TPRG1: variants seen among roughly 807,000 people sequenced by gnomAD.
The protein encoded by TPRG1 is tumor protein p63-regulated gene 1 protein.
TPRG1 carries 29 observed loss-of-function variants against 29.3 expected under a neutral mutation model. The observed-to-expected ratio is 0.99, with a 90% CI of 0.74 to 1.35. The LOEUF is 1.35. Ranked by LOEUF, TPRG1 falls within the 40% of genes most tolerant of loss-of-function variation. TPRG1 has a pLI of 0.00. For synonymous variants in TPRG1, 130 were observed against 116.8 expected, an observed-to-expected ratio of 1.11 and a Z score of -0.73; for missense variants, 327 against 335.0, an observed-to-expected ratio of 0.98 and a Z score of 0.19.
intron 3 of TPRG1, among the ~76,000 whole-genome samples, chr3:189,010,000 G>A (rs1712510393): frequency 6.6e-6 from 1 of 152,066 alleles, no homozygotes; most frequent in Non-Finnish European, 1.5e-5. Flanking sequence ...ATGTGTTCAT[G>A]TGTTCTCATC....
chr3:189,239,108 T>C (rs1192318676), intron 4 of TPRG1, among the ~76,000 whole-genome samples, 199 bp downstream of exon 4: 1 of 152,148 alleles, frequency 6.6e-6, no homozygotes, highest in Admixed American at 6.5e-5. Flanking sequence ...AATATATTAG[T>C]TCGTTTTCAC....
chr3:189,293,470 C>G (rs768782969), intron 4 of TPRG1, among the ~76,000 whole-genome samples: 1 of 152,022 alleles, frequency 6.6e-6, no homozygotes, highest in Non-Finnish European at 1.5e-5. Context: ...AAAGGTGTGG[C>G]GGGAAAGGGA....
At chr3:189,078,168 G>C (rs1278983508) in intron 4 of TPRG1, among the ~76,000 whole-genome samples, 1 of 61,838 alleles carries the variant, frequency 1.6e-5, no homozygotes, top group African/African-American at 6.8e-5. Context: ...ATGAAGTTTT[G>C]TTCTTGTCAT....
chr3:189,319,161 C>T (rs974610894), intron 5 of TPRG1, among the ~76,000 whole-genome samples: 20 of 152,168 alleles, frequency 1.3e-4, no homozygotes, highest in African/African-American at 4.3e-4. Flanking sequence ...CATGTTTAGG[C>T]TATTAACTTC....
intron 4 of TPRG1, among the ~76,000 whole-genome samples, chr3:189,068,973 A>G (rs1335364732): frequency 6.6e-6 from 1 of 152,230 alleles, no homozygotes; most frequent in African/African-American, 2.4e-5. Flanking sequence ...TCATGAAGGT[A>G]GAGAGTAGAA....
chr3:189,152,916 A>C (rs1417548269), intron 5 of TPRG1, among the ~76,000 whole-genome samples: 1 of 152,174 alleles, frequency 6.6e-6, no homozygotes, highest in Non-Finnish European at 1.5e-5. Flanking sequence ...ATTATTAAAA[A>C]GTAGGATTGC....
upstream of TPRG1, among the ~76,000 whole-genome samples, chr3:189,171,681 T>G (rs1560510956): frequency 1.3e-5 from 2 of 152,186 alleles, no homozygotes; most frequent in African/African-American, 4.8e-5. Flanking sequence ...GATAGGAGTG[T>G]AGGCCTCAGG....
In TPRG1 at chr3:189,320,760, A is replaced by C. The variant is rs199980873; in HGVS notation, c.768A>C (p.Ser256=). The C allele has an allele frequency of 1.9e-6, 3 of 1,610,362 alleles. No homozygotes were observed. The highest frequency in any genetic ancestry group is 2.5e-6 in the Non-Finnish European group (3 of 1,178,338). ...ILIETYTGLM[S]FIGNRNKLGY... ...TTGAGACCTACACAGGGCTGATGTC[A>C]TTCATTGGAAACCGCAACAAACTTG... Residue 256 remains serine (S), a synonymous_variant, in exon 6 of 6, where the codon TCA becomes TCC. Transcript: ENST00000345063.
At chr3:189,003,906 G>C (rs1712155496) in intron 2 of TPRG1, among the ~76,000 whole-genome samples, 1 of 151,986 alleles carries the variant, frequency 6.6e-6, no homozygotes, top group Non-Finnish European at 1.5e-5. Context: ...CCTTCTCTTG[G>C]GGGTAGTGGG....
intron 1 of TPRG1, among the ~76,000 whole-genome samples, chr3:189,101,136 TG>T (rs1719149069): frequency 6.6e-6 from 1 of 152,158 alleles, no homozygotes; most frequent in South Asian, 2.1e-4. Context: ...CTTTCCCTCC[TG>T]TGTCCTCCCC....
At chr3:189,178,679 C>T (rs1729817419) in intron 1 of TPRG1, among the ~76,000 whole-genome samples, 1 of 152,190 alleles carries the variant, frequency 6.6e-6, no homozygotes, top group Admixed American at 6.5e-5. Flanking sequence ...CAGAATCAGA[C>T]AGCAAATTAA....
intron 1 of TPRG1, among the ~76,000 whole-genome samples, chr3:189,100,628 G>C (rs576152933): frequency 3.3e-5 from 5 of 152,300 alleles, no homozygotes; most frequent in Admixed American, 1.3e-4. Flanking sequence ...ACCCTGAAAA[G>C]TAGCTAGTAG....
At chr3:189,282,831 AG>A (rs757874743) in intron 4 of TPRG1, among the ~76,000 whole-genome samples, 1 of 152,170 alleles carries the variant, frequency 6.6e-6, no homozygotes, top group African/African-American at 2.4e-5. Context: ...AGGATGTGGA[AG>A]GGGGGATGGG....
At chr3:189,009,033 C>T (rs147987374) in intron 3 of TPRG1, among the ~76,000 whole-genome samples, 1 of 152,152 alleles carries the variant, frequency 6.6e-6, no homozygotes, top group Non-Finnish European at 1.5e-5. Flanking sequence ...TTGCTATTTG[C>T]CTTTGTGCTG....
chr3:189,081,347 G>A (rs561457286), intron 4 of TPRG1, among the ~76,000 whole-genome samples: 8 of 152,236 alleles, frequency 5.3e-5, no homozygotes, highest in African/African-American at 1.9e-4. Flanking sequence ...GGAGAAAGAG[G>A]CACAAGTGAA....
chr3:189,100,586 T>C (rs1186312022), intron 1 of TPRG1, among the ~76,000 whole-genome samples: 2 of 152,236 alleles, frequency 1.3e-5, no homozygotes, highest in African/African-American at 4.8e-5. Context: ...GTATTACTTT[T>C]GCAAATAGTA....
intron 4 of TPRG1, among the ~76,000 whole-genome samples, chr3:189,094,695 A>G (rs1278268517): frequency 6.6e-6 from 1 of 152,196 alleles, no homozygotes; most frequent in Non-Finnish European, 1.5e-5. Flanking sequence ...TGCCACTTGT[A>G]TATTGGCAGC....
At chr3:189,134,325 A>G (rs1723457998) in intron 3 of TPRG1, among the ~76,000 whole-genome samples, 1 of 151,732 alleles carries the variant, frequency 6.6e-6, no homozygotes, top group Non-Finnish European at 1.5e-5. Context: ...AGTATCCATT[A>G]CTAACGTTAT....
At chr3:189,251,475 A>C (rs1742246644) in intron 4 of TPRG1, among the ~76,000 whole-genome samples, 1 of 152,096 alleles carries the variant, frequency 6.6e-6, no homozygotes, top group Non-Finnish European at 1.5e-5. Flanking sequence ...AGAAAGAAAT[A>C]AGGGGGCCCA....
Sources: allele counts gnomAD v4.1 joint callset (sites outside exome capture counted in the v4.1 genomes callset), GRCh38; gene constraint gnomAD v4.1.1; transcripts MANE v1.5; gene names NCBI Gene and HGNC (gene_info 2026-07-23, HGNC 2026-07-21).